The following SLC39A11 variants were observed in gnomAD, a reference collection of about 807,000 sequenced individuals.
SLC39A11 encodes the protein solute carrier family 39 member 11, also known as zinc transporter ZIP11.
SLC39A11 carries 33 observed loss-of-function variants against 36.1 expected under a neutral mutation model. The observed-to-expected ratio is 0.91, with a 90% CI of 0.69 to 1.22. The LOEUF (loss-of-function observed/expected upper bound fraction) is 1.22, where lower values mean the gene tolerates loss of function less well. Among genes scored for constraint, SLC39A11 ranks in the 50% most tolerant of loss-of-function variants. The probability of loss-of-function intolerance (pLI) is 0.00; values close to 1 mark genes in which losing one functional copy is unlikely to be tolerated. For missense variants in SLC39A11, 432 were observed against 430.3 expected (o/e 1.00, Z -0.03); for synonymous variants, 166 against 170.3 (o/e 0.97, Z 0.20).
intron 4 of SLC39A11, among the ~76,000 whole-genome samples, chr17:73,010,937 A>T (rs1441862388): frequency 6.6e-6 from 1 of 152,028 alleles, no homozygotes; most frequent in Non-Finnish European, 1.5e-5. Context: ...GATCTTCACA[A>T]CCTCTCCAAT....
intron 7 of SLC39A11, among the ~76,000 whole-genome samples, chr17:72,696,796 T>C (rs2072325696): frequency 6.6e-6 from 1 of 152,248 alleles, no homozygotes; most frequent in Non-Finnish European, 1.5e-5. Context: ...AATACAATTG[T>C]GACATTGTTA....
intron 7 of SLC39A11, among the ~76,000 whole-genome samples, chr17:72,704,020 T>C (rs547642568): frequency 4.1e-4 from 63 of 152,288 alleles, no homozygotes; most frequent in Admixed American, 7.2e-4. Context: ...CTCAGCTACT[T>C]GGGAGGCTGA....
At chr17:73,078,448 T>A (rs1175128063) in intron 3 of SLC39A11, among the ~76,000 whole-genome samples, 1 of 151,908 alleles carries the variant, frequency 6.6e-6, no homozygotes, top group East Asian at 1.9e-4. Flanking sequence ...GATAGATTTG[T>A]TTAAATAAAA....
chr17:72,952,500 C>G (rs890679217), intron 4 of SLC39A11, among the ~76,000 whole-genome samples: 4 of 152,228 alleles, frequency 2.6e-5, no homozygotes, highest in African/African-American at 9.6e-5. Flanking sequence ...GGAGCCCCAT[C>G]TGCTCACTGG....
At chr17:73,016,744 C>T (rs1302665984) in intron 4 of SLC39A11, among the ~76,000 whole-genome samples, 1 of 152,188 alleles carries the variant, frequency 6.6e-6, no homozygotes, top group Admixed American at 6.5e-5. Flanking sequence ...GCAGCTGTGG[C>T]AATATTTCAG....
chr17:72,941,148 C>T (rs1270734003), intron 5 of SLC39A11, among the ~76,000 whole-genome samples: 1 of 152,054 alleles, frequency 6.6e-6, no homozygotes, highest in Non-Finnish European at 1.5e-5. Flanking sequence ...TGGCGCACTC[C>T]TGTAGTCCCA....
intron 5 of SLC39A11, among the ~76,000 whole-genome samples, chr17:72,851,020 C>T (rs749400448): frequency 1.4e-4 from 22 of 151,840 alleles, no homozygotes; most frequent in Admixed American, 3.3e-4. Context: ...CACAATGGAA[C>T]GAGGGAAGCG....
At chr17:73,057,660 AGGC>A (rs2059709119) in intron 3 of SLC39A11, among the ~76,000 whole-genome samples, 1 of 152,152 alleles carries the variant, frequency 6.6e-6, no homozygotes, top group South Asian at 2.1e-4. Flanking sequence ...GGCTGAGGCC[AGGC>A]GCGGTGGCTC....
intron 5 of SLC39A11, among the ~76,000 whole-genome samples, chr17:72,929,037 C>T (rs929727268): frequency 5.9e-5 from 9 of 152,092 alleles, no homozygotes; most frequent in Non-Finnish European, 1.0e-4. Context: ...AGGGGCAGAG[C>T]GAACCCACAG....
At chr17:72,744,621 G>A (rs558597462) in intron 6 of SLC39A11, among the ~76,000 whole-genome samples, 4 of 152,234 alleles carry the variant, frequency 2.6e-5, no homozygotes, top group South Asian at 2.1e-4. Context: ...CAAGGTGGCC[G>A]CAGATTTGGT....
At chr17:73,001,575 AAAAG>A (rs972892976) in intron 4 of SLC39A11, among the ~76,000 whole-genome samples, 37 of 152,268 alleles carry the variant, frequency 2.4e-4, no homozygotes, top group Middle Eastern at 3.4e-3. Context: ...ATAATAAAAA[AAAAG>A]AAAGAAAAAG....
intron 6 of SLC39A11, among the ~76,000 whole-genome samples, chr17:72,815,234 A>T (rs1042498130): frequency 2.6e-5 from 4 of 152,220 alleles, no homozygotes; most frequent in Non-Finnish European, 2.9e-5. Flanking sequence ...GGGGAAGGGA[A>T]GGGAGAGCCA....
chr17:72,889,362 A>G (rs1451985234), intron 5 of SLC39A11, among the ~76,000 whole-genome samples: 1 of 152,128 alleles, frequency 6.6e-6, no homozygotes, highest in Non-Finnish European at 1.5e-5. Flanking sequence ...TAAAAATACA[A>G]AAATCAGCTG....
chr17:72,977,235 A>G (rs2087921153), intron 4 of SLC39A11, among the ~76,000 whole-genome samples: 1 of 151,880 alleles, frequency 6.6e-6, no homozygotes, highest in Admixed American at 6.5e-5. Flanking sequence ...CAAGGAGTGG[A>G]GAGAGGCCCT....
chr17:72,726,306 G>A (rs774273632), intron 7 of SLC39A11, among the ~76,000 whole-genome samples: 8 of 152,024 alleles, frequency 5.3e-5, no homozygotes, highest in East Asian at 1.9e-4. Flanking sequence ...ACTCCTCCCC[G>A]CCACAACAAT....
intron 7 of SLC39A11, among the ~76,000 whole-genome samples, chr17:72,680,886 A>G (rs1249328740): frequency 6.6e-6 from 1 of 152,042 alleles, no homozygotes; most frequent in Non-Finnish European, 1.5e-5. Context: ...GGTTGTTTCT[A>G]CCTTCTGGCT....
chr17:73,031,685 A>G lies in SLC39A11; in HGVS notation c.177T>C (p.Leu59=). The change falls in exon 4 of 10, where the codon CTT becomes CTC. Residue 59 remains leucine, a synonymous_variant. Coordinates refer to ENST00000255559, the MANE Select transcript of SLC39A11 (RefSeq NM_139177.4). The stretch of plus-strand genomic sequence containing the variant: ...TGGCCATCTCAACTGCTGGGGCCAG[A>G]AGAGACCAATAGGAAGCTGCCAACA... ...GVMLAASYWS[L]LAPAVEMATS... is the part of the protein sequence containing the mutation. 1 of 1,614,104 alleles carries G rather than the reference A, an allele frequency of 6.2e-7. No homozygotes were observed. Among genetic ancestry groups the G allele is most frequent in the Non-Finnish European group, 8.5e-7 (1 of 1,180,028 alleles).
intron 5 of SLC39A11, among the ~76,000 whole-genome samples, chr17:72,908,814 C>T (rs959050133): frequency 6.6e-6 from 1 of 152,140 alleles, no homozygotes; most frequent in Non-Finnish European, 1.5e-5. Context: ...CTTTAACTGC[C>T]CCACGCTGAC....
At chr17:72,688,903 G>T (rs1242111787) in intron 7 of SLC39A11, among the ~76,000 whole-genome samples, 1 of 152,182 alleles carries the variant, frequency 6.6e-6, no homozygotes, top group Non-Finnish European at 1.5e-5. Context: ...TTGTTCAACA[G>T]GTGCAAATAC....
Sources: allele counts gnomAD v4.1 joint callset (sites outside exome capture counted in the v4.1 genomes callset), GRCh38; gene constraint gnomAD v4.1.1; transcripts MANE v1.5; gene names NCBI Gene and HGNC (gene_info 2026-07-23, HGNC 2026-07-21).